CSMD1: variants seen among roughly 807,000 people sequenced by gnomAD.
CSMD1 encodes the protein CUB and Sushi multiple domains 1.
CSMD1 carries 213 observed loss-of-function variants against 417.5 expected under a neutral mutation model. The observed-to-expected ratio is 0.51, with a 90% CI of 0.46 to 0.57. The LOEUF (loss-of-function observed/expected upper bound fraction) is 0.57, where lower values mean the gene tolerates loss of function less well. Ranked by LOEUF, CSMD1 falls within the 20% of genes least tolerant of loss-of-function variation. The probability of loss-of-function intolerance (pLI) is 0.00; values close to 1 mark genes in which losing one functional copy is unlikely to be tolerated. For missense variants in CSMD1, 6,923 were observed against 4,529.7 expected (o/e 1.53, Z -15.17); for synonymous variants, 2,862 against 1,736.8 (o/e 1.65, Z -16.11).
chr8:3,734,912 G>C (rs1584921268), intron 6 of CSMD1, among the ~76,000 whole-genome samples: 1 of 152,138 alleles, frequency 6.6e-6, no homozygotes, highest in Admixed American at 6.5e-5. Flanking sequence ...TCCAGTTAGA[G>C]ACATAACTCT....
At chr8:3,172,547 T>C (rs1022274938) in intron 37 of CSMD1, among the ~76,000 whole-genome samples, 26 of 152,300 alleles carry the variant, frequency 1.7e-4, no homozygotes, top group Middle Eastern at 3.4e-3. Flanking sequence ...ATTGATCTTG[T>C]TGTCTGGTTG....
At position 3,579,815 on chromosome 8, in the gene CSMD1, C is replaced by A. The variant is rs1800304750; in HGVS notation, c.1223-4749G>T. Among the ~76,000 whole-genome samples the A allele has an allele frequency of 3.3e-5, 5 of 152,290 alleles. 1 individual carries two copies. The South Asian group carries it at 1.0e-3, about 32-fold the overall frequency. The stretch of plus-strand genomic sequence containing the variant: ...GCATTTACTACATGGCCTGACATAT[C>A]ACAGCAAGGCCAGTGTGGTGGCTCA... On this transcript the variant is annotated intron_variant, in intron 9 of 69. Transcript: ENST00000635120.
intron 8 of CSMD1, among the ~76,000 whole-genome samples, chr8:3,607,562 G>A (rs1801679669): frequency 6.6e-6 from 1 of 152,192 alleles, no homozygotes; most frequent in South Asian, 2.1e-4. Flanking sequence ...ACTGCTCTGT[G>A]CTGGGAGGGA....
At chr8:4,452,882 C>G (rs11136744) in intron 2 of CSMD1, among the ~76,000 whole-genome samples, 31,841 of 152,134 alleles carry the variant, frequency 0.21, 3,868 homozygotes, top group Middle Eastern at 0.31. Flanking sequence ...GACTGTGAAA[C>G]AAATTCAGTA....
At chr8:3,894,175 C>T (rs1807188592) in intron 5 of CSMD1, among the ~76,000 whole-genome samples, 1 of 152,152 alleles carries the variant, frequency 6.6e-6, no homozygotes, top group Non-Finnish European at 1.5e-5. Flanking sequence ...ACTTCTTTTG[C>T]TGTGTGTCTT....
chr8:4,567,164 A>C (rs1798653261), intron 2 of CSMD1, among the ~76,000 whole-genome samples: 1 of 152,240 alleles, frequency 6.6e-6, no homozygotes, highest in Non-Finnish European at 1.5e-5. Flanking sequence ...GAATGTTTAC[A>C]ACATTACTTT....
chr8:4,269,781 A>G (rs1043704850), intron 3 of CSMD1, among the ~76,000 whole-genome samples: 1 of 152,206 alleles, frequency 6.6e-6, no homozygotes, highest in Non-Finnish European at 1.5e-5. Context: ...AAAAGCATGA[A>G]AATTATATAC....
At chr8:3,477,605 T>A (rs75848114) in intron 11 of CSMD1, among the ~76,000 whole-genome samples, 3,855 of 152,248 alleles carry the variant, frequency 0.025, 241 homozygotes, top group East Asian at 0.18. Context: ...CAGACATGTG[T>A]TGATAAATAT....
chr8:4,687,648 T>C (rs942836043), intron 1 of CSMD1, among the ~76,000 whole-genome samples: 3 of 152,190 alleles, frequency 2.0e-5, no homozygotes, highest in Non-Finnish European at 4.4e-5. Flanking sequence ...CACAGCTAAA[T>C]CCGTGAAGGC....
At chr8:4,832,138 T>A (rs1800192136) in intron 1 of CSMD1, among the ~76,000 whole-genome samples, 1 of 152,176 alleles carries the variant, frequency 6.6e-6, no homozygotes, top group Non-Finnish European at 1.5e-5. Context: ...GTATCTCTGT[T>A]TTCCTGGTAT....
At chr8:4,885,997 AT>A (rs1803713955) in intron 1 of CSMD1, among the ~76,000 whole-genome samples, 1 of 151,258 alleles carries the variant, frequency 6.6e-6, no homozygotes, top group Non-Finnish European at 1.5e-5. Flanking sequence ...TTACTTATTT[AT>A]TTACTTATTT....
rs1554518393 is a variant in CSMD1 at position 3,709,680 on chromosome 8, G to GGCTTTTTTTTTTTTTTTTTTTTTTTTT, written c.932-1190_932-1189insAAAAAAAAAAAAAAAAAAAAAAAAAGC. 1.5e-4 allele frequency among the ~76,000 whole-genome samples: 5 copies of GGCTTTTTTTTTTTTTTTTTTTTTTTTT among 33,702 alleles called. 1 individual carries two copies. Among genetic ancestry groups the GGCTTTTTTTTTTTTTTTTTTTTTTTTT allele is most frequent in the Admixed American group, 4.7e-4 (1 of 2,124 alleles). The allele number at this position is 33,702 out of a possible 152,430, so 22.1% of individuals were successfully genotyped here. Reference sequence around the variant, plus strand: ...GATGGGCTTTAAATTGCAGCAGCATGTTTTTTTTTTTTTTTTTTTTTTTTT... The same window carrying GGCTTTTTTTTTTTTTTTTTTTTTTTTT: ...GATGGGCTTTAAATTGCAGCAGCATGGCTTTTTTTTTTTTTTTTTTTTTTTTTTTTTTTTTTTTTTTTTTTTTTTTTT... On this transcript the variant is annotated intron_variant, in intron 6 of 69. Coordinates refer to ENST00000635120, the MANE Select transcript of CSMD1 (RefSeq NM_033225.6).
chr8:3,368,495 C>A (rs185787898), intron 19 of CSMD1, among the ~76,000 whole-genome samples: 1 of 152,232 alleles, frequency 6.6e-6, no homozygotes, highest in African/African-American at 2.4e-5. Flanking sequence ...CACCACGATG[C>A]CTGGCTAATT....
At chr8:3,165,411 ATTTTTAT>A (rs1258988668) in intron 37 of CSMD1, among the ~76,000 whole-genome samples, 3 of 151,624 alleles carry the variant, frequency 2.0e-5, no homozygotes, top group Non-Finnish European at 2.9e-5. Context: ...GTGGTTTTTA[ATTTTTAT>A]TTTTTATTTA....
At chr8:3,726,391 T>A (rs905316121) in intron 6 of CSMD1, among the ~76,000 whole-genome samples, 116 of 152,326 alleles carry the variant, frequency 7.6e-4, no homozygotes, top group African/African-American at 2.7e-3. Context: ...CAGGCTATAA[T>A]ATAAGTCTCT....
At chr8:4,198,508 G>C (rs943111222) in intron 3 of CSMD1, among the ~76,000 whole-genome samples, 4 of 152,192 alleles carry the variant, frequency 2.6e-5, no homozygotes, top group African/African-American at 9.6e-5. Flanking sequence ...GAAATCACTA[G>C]GATGGATTTG....
chr8:4,566,181 T>A (rs1798597796), intron 2 of CSMD1, among the ~76,000 whole-genome samples: 1 of 152,136 alleles, frequency 6.6e-6, no homozygotes, highest in African/African-American at 2.4e-5. Context: ...ATGAGATTGA[T>A]CCATCTACAA....
At chr8:4,330,936 C>T (rs1156318307) in intron 3 of CSMD1, among the ~76,000 whole-genome samples, 1 of 152,056 alleles carries the variant, frequency 6.6e-6, no homozygotes, top group Non-Finnish European at 1.5e-5. Flanking sequence ...TCACTTTTCC[C>T]CATGTTCATT....
At chr8:3,046,705 G>A (rs1364110614) in intron 50 of CSMD1, among the ~76,000 whole-genome samples, 1 of 152,102 alleles carries the variant, frequency 6.6e-6, no homozygotes, top group African/African-American at 2.4e-5. Flanking sequence ...ATCATTTCCA[G>A]GCAGCCTTCC....
Sources: allele counts gnomAD v4.1 joint callset (sites outside exome capture counted in the v4.1 genomes callset), GRCh38; gene constraint gnomAD v4.1.1; transcripts MANE v1.5; gene names NCBI Gene and HGNC (gene_info 2026-07-23, HGNC 2026-07-21).